The following DEPDC1B variants were observed in gnomAD, a reference collection of about 807,000 sequenced individuals.
DEPDC1B encodes DEP domain-containing protein 1B.
Under a neutral mutation model 66.5 loss-of-function variants are expected in DEPDC1B, and 51 were observed. The ratio of observed to expected loss-of-function variants is 0.77; its 90% CI spans 0.61 to 0.97. DEPDC1B has a LOEUF of 0.97. Among genes scored for constraint, DEPDC1B ranks in the 50% least tolerant of loss-of-function variants. DEPDC1B has a pLI of 0.00. For synonymous variants in DEPDC1B, 226 were observed against 223.6 expected (o/e 1.01, Z -0.10); for missense variants, 552 against 637.1 (o/e 0.87, Z 1.44).
At chr5:60,637,121 T>C (rs560889849) in intron 7 of DEPDC1B, among the ~76,000 whole-genome samples, 1 of 152,352 alleles carries the variant, frequency 6.6e-6, no homozygotes, top group South Asian at 2.1e-4. Flanking sequence ...TTTAAAACTC[T>C]TATTTTGCCA....
At chr5:60,643,217 C>T in intron 5 of DEPDC1B, among the ~76,000 whole-genome samples, 1 of 152,136 alleles carries the variant, frequency 6.6e-6, no homozygotes, top group East Asian at 1.9e-4. Context: ...AAATATTAGT[C>T]GTCAAACACA....
intron 1 of DEPDC1B, chr5:60,687,884 G>A (rs1754459558): frequency 5.9e-6 from 1 of 170,302 alleles, no homozygotes; most frequent in South Asian, 9.9e-5. Context: ...GCTTTTCAAG[G>A]GTGGTTCATC....
Position 60,597,813 on chromosome 5 carries a change from T to C in DEPDC1B, c.1530A>G (p.Leu510=), listed in dbSNP as rs1243391256. ...PEKPKPKPQL[L]MWALKKPFQP... The stretch of plus-strand genomic sequence containing the variant: ...GGAAAGGCTTCTTTAGTGCCCACAT[T>C]AGCAGCTGTGGTTTCGGTTTGGGTT... The change falls in exon 11 of 11, where the codon CTA becomes CTG. Residue 510 remains leucine, a synonymous_variant. Coordinates refer to ENST00000265036, the MANE Select transcript of DEPDC1B (RefSeq NM_018369.3). 2 of 1,613,494 alleles carry C rather than the reference T, an allele frequency of 1.2e-6. No individual in the cohort carries two copies. Among genetic ancestry groups the C allele is most frequent in the Admixed American group, 1.7e-5 (1 of 59,918 alleles).
chr5:60,677,373 T>G (rs927881636), intron 2 of DEPDC1B, among the ~76,000 whole-genome samples: 1 of 135,394 alleles, frequency 7.4e-6, no homozygotes, highest in Non-Finnish European at 1.5e-5. Flanking sequence ...CAAAAGAGAT[T>G]ATAAAGTCAG....
intron 2 of DEPDC1B, among the ~76,000 whole-genome samples, chr5:60,675,544 T>C (rs949648706): frequency 1.3e-5 from 2 of 152,270 alleles, no homozygotes; most frequent in Admixed American, 1.3e-4. Flanking sequence ...TGTAAGCAGA[T>C]GCTAAACATT....
At position 60,668,055 on chromosome 5, in the gene DEPDC1B, G is replaced by GATATTTTATATATATATAAAATGC. The variant is rs1561384674; in HGVS notation, c.314+18906_314+18907insGCATTTTATATATATATAAAATAT. Among the ~76,000 whole-genome samples, 14 of 76,374 alleles carry GATATTTTATATATATATAAAATGC rather than the reference G, an allele frequency of 1.8e-4. 1 individual carries two copies. Among genetic ancestry groups the GATATTTTATATATATATAAAATGC allele is most frequent in the Admixed American group, 4.9e-4 (3 of 6,184 alleles). The allele number at this position is 76,374 out of a possible 152,430, so 50.1% of individuals were successfully genotyped here. ...GGATATTTTATATATATATAAAATGGATATTTTATATATATATAAAATGGA... is the reference window on the plus strand; with the variant it reads ...GGATATTTTATATATATATAAAATGGATATTTTATATATATATAAAATGCATATTTTATATATATATAAAATGGA... On this transcript the variant is annotated intron_variant, in intron 2 of 10. Transcript: ENST00000265036.
rs1357595117 is a variant in DEPDC1B, at chr5:60,597,839, T to C, written c.1504A>G (p.Lys502Glu). 1.2e-6 allele frequency: 2 copies of C among 1,613,500 alleles called. No individual in the cohort carries two copies. The highest frequency in any genetic ancestry group is 3.3e-5 in the Admixed American group (2 of 59,910). The change falls in exon 11 of 11, where the codon AAA (lysine) becomes GAA (glutamate). Residue 502 changes from lysine (K) to glutamate (E), a missense_variant. Coordinates refer to ENST00000265036, the MANE Select transcript of DEPDC1B (RefSeq NM_018369.3). The stretch of plus-strand genomic sequence containing the variant: ...AGCAGCTGTGGTTTCGGTTTGGGTT[T>C]TTCAGGAAACAGAAGTGCTGCACTT... ...PESAALLFPE[K>E]PKPKPQLLMW...
intron 7 of DEPDC1B, among the ~76,000 whole-genome samples, chr5:60,621,752 G>T (rs761500875): frequency 5.9e-5 from 9 of 152,094 alleles, no homozygotes; most frequent in African/African-American, 9.7e-5. Flanking sequence ...ATGCATTAAA[G>T]AACAGTTTTT....
chr5:60,688,022 G>A (rs1241840460), intron 1 of DEPDC1B, among the ~76,000 whole-genome samples: 1 of 152,074 alleles, frequency 6.6e-6, no homozygotes, highest in Non-Finnish European at 1.5e-5. Flanking sequence ...TGCAAACTTT[G>A]CTTTTTGGAG....
chr5:60,634,854 T>A (rs1426903813), intron 7 of DEPDC1B, among the ~76,000 whole-genome samples: 1 of 151,572 alleles, frequency 6.6e-6, no homozygotes, highest in East Asian at 1.9e-4. Flanking sequence ...TTTGAGGTAA[T>A]TCAACATCCT....
intron 7 of DEPDC1B, among the ~76,000 whole-genome samples, chr5:60,621,081 T>C (rs1472646378): frequency 4.6e-5 from 7 of 151,770 alleles, no homozygotes; most frequent in South Asian, 2.1e-4. Context: ...TAGGTGGGAA[T>C]TGAACAATGA....
chr5:60,699,975 A>T, intron 1 of DEPDC1B, 71 bp downstream of exon 1: 1 of 1,523,262 alleles, frequency 6.6e-7, no homozygotes, highest in Non-Finnish European at 8.9e-7. Context: ...ACTGACAAGC[A>T]CTCTGTCCGC....
chr5:60,690,465 A>T (rs1428472287), intron 1 of DEPDC1B, among the ~76,000 whole-genome samples: 1 of 152,226 alleles, frequency 6.6e-6, no homozygotes, highest in Non-Finnish European at 1.5e-5. Context: ...TCTCTTTTGA[A>T]GAAGGAATAT....
At chr5:60,643,148 A>G (rs569769936) in intron 5 of DEPDC1B, among the ~76,000 whole-genome samples, 2 of 152,352 alleles carry the variant, frequency 1.3e-5, no homozygotes, top group African/African-American at 4.8e-5. Context: ...CCAAACAAAC[A>G]AACAAACCAA....
intron 6 of DEPDC1B, among the ~76,000 whole-genome samples, chr5:60,639,823 G>A (rs959771523): frequency 1.3e-5 from 2 of 152,162 alleles, no homozygotes; most frequent in Non-Finnish European, 2.9e-5. Flanking sequence ...TTCCATTACA[G>A]CATGGAAGAA....
At chr5:60,692,833 A>C in intron 1 of DEPDC1B, among the ~76,000 whole-genome samples, 1 of 152,196 alleles carries the variant, frequency 6.6e-6, no homozygotes, top group East Asian at 1.9e-4. Flanking sequence ...CTATTGCTAC[A>C]TGCCATAACA....
chr5:60,635,551 T>C, intron 7 of DEPDC1B, among the ~76,000 whole-genome samples: 1 of 152,178 alleles, frequency 6.6e-6, no homozygotes. Flanking sequence ...AACCAGGAGT[T>C]GCAAGCTCAA....
At chr5:60,600,655 T>A (rs1752183506) in intron 9 of DEPDC1B, among the ~76,000 whole-genome samples, 1 of 152,234 alleles carries the variant, frequency 6.6e-6, no homozygotes, top group Non-Finnish European at 1.5e-5. Flanking sequence ...GAATCACTAC[T>A]GATTTTATTC....
intron 2 of DEPDC1B, among the ~76,000 whole-genome samples, chr5:60,677,109 T>C (rs959190211): frequency 6.6e-6 from 1 of 152,040 alleles, no homozygotes; most frequent in Non-Finnish European, 1.5e-5. Flanking sequence ...CTTCACAAAA[T>C]ATACAAAATT....
Sources: allele counts gnomAD v4.1 joint callset (sites outside exome capture counted in the v4.1 genomes callset), GRCh38; gene constraint gnomAD v4.1.1; transcripts MANE v1.5; gene names NCBI Gene and HGNC (gene_info 2026-07-23, HGNC 2026-07-21).